Variants in SPAG16 observed in about 807,000 individuals in gnomAD.
SPAG16 encodes the protein sperm associated antigen 16, also known as sperm-associated antigen 16 protein.
Under a neutral mutation model 80.4 loss-of-function variants are expected in SPAG16, and 86 were observed. That is an observed-to-expected ratio of 1.07 (90% CI 0.90 to 1.28). The LOEUF is 1.28. Ranked by LOEUF, SPAG16 falls within the 50% of genes most tolerant of loss-of-function variation. SPAG16 has a pLI of 0.00. For missense variants in SPAG16, 870 were observed against 765.3 expected, an observed-to-expected ratio of 1.14 and a Z score of -1.61; for synonymous variants, 294 against 265.9, an observed-to-expected ratio of 1.11 and a Z score of -1.03.
chr2:214,054,863 C>A (rs766423841), intron 13 of SPAG16, among the ~76,000 whole-genome samples: 5 of 152,092 alleles, frequency 3.3e-5, no homozygotes, highest in Non-Finnish European at 5.9e-5. Context: ...AAATATATGA[C>A]AATTAGCAGT....
intron 15 of SPAG16, among the ~76,000 whole-genome samples, chr2:214,188,464 A>G (rs1326771504): frequency 6.6e-6 from 1 of 152,210 alleles, no homozygotes; most frequent in Non-Finnish European, 1.5e-5. Flanking sequence ...TCTTCAAACC[A>G]TAAATTAAAA....
At position 213,802,243 on chromosome 2, in the gene SPAG16, T is replaced by C. The variant is rs368854646; in HGVS notation, c.1071-60242T>C. ...GATTATCTCCTCTGTGGTCAGAAGA[T>C]AGGGACTGGGGTGAAGATGGCAATC... On this transcript the variant is annotated intron_variant, in intron 10 of 15. Transcript: ENST00000331683. Among the ~76,000 whole-genome samples the C allele has an allele frequency of 1.3e-3, 201 of 152,282 alleles. No homozygotes were observed. The Middle Eastern group carries it at 0.014, about 10-fold the overall frequency.
chr2:214,054,234 T>A (rs1382320344), intron 13 of SPAG16, among the ~76,000 whole-genome samples: 1 of 152,186 alleles, frequency 6.6e-6, no homozygotes, highest in Non-Finnish European at 1.5e-5. Flanking sequence ...GGTCTCGAAC[T>A]CCTGACCTCA....
chr2:214,090,179 A>G (rs757507570), intron 13 of SPAG16, among the ~76,000 whole-genome samples: 45 of 152,226 alleles, frequency 3.0e-4, no homozygotes, highest in Middle Eastern at 3.4e-3. Context: ...GTGATAAAGG[A>G]GAATGAACAA....
intron 10 of SPAG16, among the ~76,000 whole-genome samples, chr2:213,745,486 A>G (rs2067776500): frequency 6.6e-6 from 1 of 151,984 alleles, no homozygotes; most frequent in Non-Finnish European, 1.5e-5. Flanking sequence ...CAGGTGATCC[A>G]CTCACCTCGA....
intron 15 of SPAG16, among the ~76,000 whole-genome samples, chr2:214,286,054 T>C (rs1254150280): frequency 1.3e-5 from 2 of 152,300 alleles, no homozygotes; most frequent in East Asian, 1.9e-4. Flanking sequence ...CTTGACATTA[T>C]GCAAAGTGAA....
intron 9 of SPAG16, among the ~76,000 whole-genome samples, chr2:213,468,678 A>G (rs1004499303): frequency 1.4e-5 from 2 of 147,188 alleles, no homozygotes; most frequent in Non-Finnish European, 3.0e-5. Flanking sequence ...GTGTATATAT[A>G]TGTGTGTGTA....
chr2:213,625,212 G>A (rs2061920942), intron 10 of SPAG16, among the ~76,000 whole-genome samples: 1 of 152,100 alleles, frequency 6.6e-6, no homozygotes, highest in Non-Finnish European at 1.5e-5. Context: ...AAGAAAAGAT[G>A]TTTAATCAGC....
intron 15 of SPAG16, among the ~76,000 whole-genome samples, chr2:214,168,952 G>A (rs1156766149): frequency 6.6e-6 from 1 of 152,116 alleles, no homozygotes; most frequent in Admixed American, 6.6e-5. Flanking sequence ...AGGATTTTGT[G>A]TATGGAATAC....
chr2:214,236,508 C>T (rs1559146799), intron 15 of SPAG16, among the ~76,000 whole-genome samples: 1 of 151,816 alleles, frequency 6.6e-6, no homozygotes, highest in South Asian at 2.1e-4. Context: ...AAAAATTAGC[C>T]GGGCATGGGG....
rs548628817 is a variant in SPAG16, at chr2:214,364,965, T to C, written c.1721-45175T>C. ...AATGGTACAAAGCCTGCAAAGGCTA[T>C]TGGAAAAATATTGTGACAATCCAGA... On this transcript the variant is annotated intron_variant, in intron 15 of 15. Transcript: ENST00000331683. 2.6e-5 allele frequency among the ~76,000 whole-genome samples: 4 copies of C among 152,226 alleles called. No homozygotes were observed. The East Asian group carries it at 5.8e-4, about 22-fold the overall frequency.
At chr2:214,177,347 G>A (rs1166419591) in intron 15 of SPAG16, among the ~76,000 whole-genome samples, 1 of 150,824 alleles carries the variant, frequency 6.6e-6, no homozygotes, top group Non-Finnish European at 1.5e-5. Flanking sequence ...TAGATGAATT[G>A]TCTTTAAAAA....
chr2:213,350,668 C>T (rs1375022804), intron 7 of SPAG16, 23 bp downstream of exon 7: 1 of 1,304,332 alleles, frequency 7.7e-7, no homozygotes, highest in South Asian at 1.4e-5. Flanking sequence ...TCAAAGCTAA[C>T]TTAAAATGAT....
chr2:214,096,251 T>G (rs2052579626), intron 13 of SPAG16, among the ~76,000 whole-genome samples: 1 of 151,238 alleles, frequency 6.6e-6, no homozygotes, highest in South Asian at 2.1e-4. Flanking sequence ...GCTGGTAGTT[T>G]TACATAGAGA....
chr2:214,178,543 T>C (rs1353987023), intron 15 of SPAG16, among the ~76,000 whole-genome samples: 1 of 150,978 alleles, frequency 6.6e-6, no homozygotes, highest in Admixed American at 6.6e-5. Context: ...GTGAATAGAG[T>C]GAATCAAAAA....
At chr2:214,397,157 TC>T (rs1701441765) in intron 15 of SPAG16, among the ~76,000 whole-genome samples, 1 of 108,816 alleles carries the variant, frequency 9.2e-6, no homozygotes, top group African/African-American at 2.5e-5. Flanking sequence ...TTTTTAATTT[TC>T]TTTTTTTTTT....
At chr2:213,487,934 G>GA (rs2074058778) in intron 9 of SPAG16, among the ~76,000 whole-genome samples, 1 of 151,796 alleles carries the variant, frequency 6.6e-6, no homozygotes, top group Admixed American at 6.6e-5. Flanking sequence ...ATGCAATTCA[G>GA]AAAAAATGAA....
intron 10 of SPAG16, among the ~76,000 whole-genome samples, chr2:213,814,269 A>T (rs1251514246): frequency 1.3e-5 from 2 of 152,010 alleles, no homozygotes; most frequent in East Asian, 3.9e-4. Context: ...CTCAGTCTTT[A>T]CTCTTAAGAC....
chr2:213,611,818 T>C (rs1191081224), intron 10 of SPAG16, among the ~76,000 whole-genome samples: 1 of 152,178 alleles, frequency 6.6e-6, no homozygotes, highest in African/African-American at 2.4e-5. Context: ...TGTTTCATAT[T>C]GTTTTACAAT....
Sources: gnomAD v4.1 joint callset for allele counts (sites outside exome capture counted in the v4.1 genomes callset) on GRCh38, gnomAD v4.1.1 for gene constraint, MANE v1.5 for transcripts, NCBI Gene and HGNC (gene_info 2026-07-23, HGNC 2026-07-21) for gene names.